WDPCP: variants seen among roughly 807,000 people sequenced by gnomAD.
WDPCP encodes the protein WD repeat containing planar cell polarity effector.
A neutral mutation model predicts 93.1 loss-of-function variants in WDPCP; 71 were observed. The observed-to-expected ratio is 0.76, with a 90% CI of 0.63 to 0.93. WDPCP has a LOEUF of 0.93. Among genes scored for constraint, WDPCP ranks in the 40% least tolerant of loss-of-function variants. The pLI, the probability that WDPCP is intolerant of heterozygous loss-of-function variation, is 0.00. For missense variants in WDPCP, 844 were observed against 887.4 expected, an observed-to-expected ratio of 0.95 and a Z score of 0.62; for synonymous variants, 315 against 315.0, an observed-to-expected ratio of 1.00 and a Z score of 0.00.
intron 2 of WDPCP, chr2:63,717,597 G>T (rs1225402330): frequency 5.7e-6 from 3 of 526,224 alleles, no homozygotes; most frequent in Non-Finnish European, 1.2e-5. Context: ...GTCAGTGAGA[G>T]TTTGCTCTGA....
chr2:63,215,892 C>T (rs1677289683), intron 14 of WDPCP, among the ~76,000 whole-genome samples: 2 of 152,148 alleles, frequency 1.3e-5, no homozygotes, highest in Admixed American at 1.3e-4. Flanking sequence ...CAAAAGTGGG[C>T]AAAGGATATG....
At chr2:63,206,613 T>A (rs1178684436) in intron 14 of WDPCP, among the ~76,000 whole-genome samples, 1 of 152,010 alleles carries the variant, frequency 6.6e-6, no homozygotes, top group Non-Finnish European at 1.5e-5. Flanking sequence ...CCACCATGCC[T>A]GGCTAATTTT....
intron 15 of WDPCP, among the ~76,000 whole-genome samples, chr2:63,171,851 C>G (rs1296592211): frequency 6.6e-6 from 1 of 152,092 alleles, no homozygotes; most frequent in African/African-American, 2.4e-5. Context: ...GAATACTATT[C>G]AGCAATTAAG....
chr2:63,820,656 A>G (rs1316561861), intron 1 of WDPCP, among the ~76,000 whole-genome samples: 1 of 152,278 alleles, frequency 6.6e-6, no homozygotes, highest in East Asian at 1.9e-4. Context: ...GCAATGCCTC[A>G]TTAAATATTT....
rs967026023 is a variant in WDPCP at position 63,135,425 on chromosome 2, G to A, written c.2191-13369C>T. Among the ~76,000 whole-genome samples the A allele has an allele frequency of 4.7e-4, 72 of 152,020 alleles. 1 individual carries two copies. The highest frequency in any genetic ancestry group is 1.4e-3 in the African/African-American group (60 of 41,426). On this transcript the variant is annotated intron_variant, in intron 17 of 17. Transcript: ENST00000272321. ...TGGCTCACTGCCACCTCGGCCTCCC[G>A]GATTCAAGCGATTCTCCTGCCTCAG...
intron 3 of WDPCP, among the ~76,000 whole-genome samples, chr2:63,604,020 G>A (rs930117691): frequency 6.6e-5 from 10 of 152,200 alleles, no homozygotes; most frequent in African/African-American, 2.2e-4. Flanking sequence ...AGGCATTGCA[G>A]GACCCTAAAG....
chr2:63,763,733 G>A (rs925069573), intron 2 of WDPCP, among the ~76,000 whole-genome samples: 1 of 152,158 alleles, frequency 6.6e-6, no homozygotes, highest in Non-Finnish European at 1.5e-5. Flanking sequence ...GAGATAGTCA[G>A]GAGTTATTTT....
intron 1 of WDPCP, among the ~76,000 whole-genome samples, chr2:63,575,131 G>C (rs1456596687): frequency 6.6e-6 from 1 of 151,624 alleles, no homozygotes; most frequent in East Asian, 1.9e-4. Context: ...ACATGGCAAA[G>C]GAGGGCTGCC....
chr2:63,790,140 G>A (rs1670525571), intron 2 of WDPCP, among the ~76,000 whole-genome samples: 1 of 152,154 alleles, frequency 6.6e-6, no homozygotes, highest in Non-Finnish European at 1.5e-5. Context: ...TGCTTCTGAA[G>A]CACCAGCACC....
At position 63,160,231 on chromosome 2, in the gene WDPCP, C is replaced by T. The variant is rs531704257; in HGVS notation, c.2079-6657G>A. On this transcript the variant is annotated intron_variant, in intron 15 of 17. Coordinates refer to ENST00000272321, the MANE Select transcript of WDPCP (RefSeq NM_015910.7). ...TTACCAGGAACCAGAACCTGATAAT[C>T]GTGATTTTTAAGTGAGTATATAGTA... is the stretch of plus-strand genomic sequence containing the variant. Among the ~76,000 whole-genome samples, 50 of 152,216 alleles carry T rather than the reference C, an allele frequency of 3.3e-4. 1 individual carries two copies. In the South Asian group the frequency reaches 8.3e-3, roughly 25 times the overall value.
At chr2:63,350,357 T>C (rs1338380169) in intron 12 of WDPCP, among the ~76,000 whole-genome samples, 1 of 151,872 alleles carries the variant, frequency 6.6e-6, no homozygotes, top group African/African-American at 2.4e-5. Flanking sequence ...AGTTGATGGG[T>C]GCAGCAAACC....
chr2:63,292,069 C>G (rs1443481325), intron 13 of WDPCP, among the ~76,000 whole-genome samples: 1 of 135,230 alleles, frequency 7.4e-6, no homozygotes, highest in African/African-American at 2.8e-5. Flanking sequence ...GGAGGTGGAG[C>G]TTGCAGTGAG....
At chr2:63,748,015 TAGAA>T (rs1255271527) in intron 2 of WDPCP, among the ~76,000 whole-genome samples, 1 of 151,838 alleles carries the variant, frequency 6.6e-6, no homozygotes, top group African/African-American at 2.4e-5. Flanking sequence ...GTGAGGGAAA[TAGAA>T]AGAGAATAAG....
intron 2 of WDPCP, among the ~76,000 whole-genome samples, chr2:63,689,410 G>C (rs1458610387): frequency 1.3e-5 from 2 of 152,166 alleles, no homozygotes; most frequent in African/African-American, 4.8e-5. Flanking sequence ...TTTCAGTGGA[G>C]TAAAGGGGGC....
intron 12 of WDPCP, chr2:63,360,191 C>T (rs1329401262): frequency 2.0e-5 from 3 of 152,152 alleles, no homozygotes; most frequent in African/African-American, 4.8e-5. Context: ...AATCATTTTT[C>T]CTCCAAACAG....
intron 12 of WDPCP, among the ~76,000 whole-genome samples, chr2:63,372,260 T>A (rs1435197873): frequency 6.6e-6 from 1 of 152,074 alleles, no homozygotes; most frequent in Admixed American, 6.6e-5. Flanking sequence ...ACAGGGAGCA[T>A]CAAGCCATAA....
intron 13 of WDPCP, among the ~76,000 whole-genome samples, chr2:63,263,333 G>T (rs576734450): frequency 1.3e-5 from 2 of 152,300 alleles, no homozygotes; most frequent in Admixed American, 1.3e-4. Context: ...TGGAAGGTGG[G>T]GCCCTTAAGA....
chr2:63,708,274 C>T (rs902894159), intron 2 of WDPCP, among the ~76,000 whole-genome samples: 2 of 152,218 alleles, frequency 1.3e-5, no homozygotes, highest in Non-Finnish European at 2.9e-5. Context: ...GTGGGCTCCA[C>T]ACAGTTTGAG....
chr2:63,131,061 C>G (rs1228896968), intron 17 of WDPCP, among the ~76,000 whole-genome samples: 1 of 152,096 alleles, frequency 6.6e-6, no homozygotes, highest in African/African-American at 2.4e-5. Context: ...CCATCCTTTC[C>G]ATTTCAGCTT....
Sources: gnomAD v4.1 joint callset for allele counts (sites outside exome capture counted in the v4.1 genomes callset) on GRCh38, gnomAD v4.1.1 for gene constraint, MANE v1.5 for transcripts, NCBI Gene and HGNC (gene_info 2026-07-23, HGNC 2026-07-21) for gene names.